Variants in SMIM13 observed in about 807,000 individuals in gnomAD.
The protein encoded by SMIM13 is UPF0766 protein C6orf228.
In SMIM13, 3 loss-of-function variants were observed where a neutral mutation model predicts 5.9. That is an observed-to-expected ratio of 0.51 (90% CI 0.23 to 1.31). The LOEUF (loss-of-function observed/expected upper bound fraction) is 1.31. SMIM13 is among the 40% of genes most tolerant of loss of function. The probability of loss-of-function intolerance (pLI) is 0.18; values close to 1 mark genes in which losing one functional copy is unlikely to be tolerated. For synonymous variants in SMIM13, 55 were observed against 46.0 expected, an observed-to-expected ratio of 1.19 and a Z score of -0.79; for missense variants, 85 against 109.9, an observed-to-expected ratio of 0.77 and a Z score of 1.01.
At chr6:11,119,407 C>T (rs1758282847) in intron 1 of SMIM13, among the ~76,000 whole-genome samples, 2 of 152,154 alleles carry the variant, frequency 1.3e-5, no homozygotes, top group South Asian at 4.2e-4. Flanking sequence ...GTAATCCCAG[C>T]ACTTTGGGAA....
chr6:11,096,805 T>C (rs1178394738), intron 1 of SMIM13, among the ~76,000 whole-genome samples: 1 of 152,126 alleles, frequency 6.6e-6, no homozygotes, highest in Non-Finnish European at 1.5e-5. Flanking sequence ...GTTCAAGCAA[T>C]TCTTCTGCCT....
chr6:11,115,915 G>C (rs1453893662), intron 1 of SMIM13, among the ~76,000 whole-genome samples: 1 of 150,656 alleles, frequency 6.6e-6, no homozygotes, highest in Non-Finnish European at 1.5e-5. Context: ...TCGAACTCCC[G>C]ACCTCAGGTG....
chr6:11,103,754 C>G (rs756385693), intron 1 of SMIM13: 5 of 1,551,612 alleles, frequency 3.2e-6, no homozygotes, highest in Non-Finnish European at 4.4e-6. Flanking sequence ...TCGTCTGGAG[C>G]TTTATGGCCT....
Position 11,137,818 on chromosome 6 carries a change from G to A in SMIM13, c.*3216G>A, listed in dbSNP as rs577037205. On this transcript the variant is annotated 3_prime_UTR_variant, in exon 2 of 2. Transcript: ENST00000416247. ...ATCAAAATGAATATAAAATTCACTT[G>A]ATGGATTTTGTAGTGATGTTTTCAC... 6.6e-6 allele frequency: 1 copy of A among 152,260 alleles called. No homozygotes were observed. The highest frequency in any genetic ancestry group is 1.9e-4 in the East Asian group (1 of 5,186). 9.4% of individuals were successfully genotyped at this position (152,260 alleles called of 1,614,324 possible).
chr6:11,120,196 G>C (rs1467148432), intron 1 of SMIM13, among the ~76,000 whole-genome samples: 1 of 152,196 alleles, frequency 6.6e-6, no homozygotes, highest in African/African-American at 2.4e-5. Flanking sequence ...AGAATTTGTA[G>C]TTATACTGCA....
chr6:11,121,642 GGGTGATGCTTTATTTTCT>G (rs1758311313), intron 1 of SMIM13, among the ~76,000 whole-genome samples: 1 of 152,176 alleles, frequency 6.6e-6, no homozygotes. Context: ...ATCATGTAAA[GGGTGATGCTTTATTTTCT>G]ATTACATAAC....
intron 1 of SMIM13, among the ~76,000 whole-genome samples, chr6:11,094,923 C>T (rs1477030921): frequency 6.6e-6 from 1 of 152,166 alleles, no homozygotes; most frequent in Non-Finnish European, 1.5e-5. Context: ...ATTAAACTTG[C>T]AGGGTCGGGT....
rs565404678 is a variant in SMIM13, at chr6:11,130,030, A to G, written c.77-4373A>G. 4.6e-5 allele frequency among the ~76,000 whole-genome samples: 7 copies of G among 152,274 alleles called. No homozygotes were observed. The South Asian group carries it at 1.5e-3, about 32-fold the overall frequency. The stretch of plus-strand genomic sequence containing the variant: ...TTGATAAACAGCCTGTGGTAGAAGT[A>G]TCAGATCTTACTAGTCCTAAGTATT... On this transcript the variant is annotated intron_variant, in intron 1 of 1. Coordinates refer to ENST00000416247, the MANE Select transcript of SMIM13 (RefSeq NM_001135575.2).
chr6:11,136,662 C>G lies in SMIM13; in HGVS notation c.*2060C>G, dbSNP rs972464297. On this transcript the variant is annotated 3_prime_UTR_variant, in exon 2 of 2. Transcript: ENST00000416247. ...TATGTGTTTGCTAGGGGAAGATTTC[C>G]TAGCAGCTGAGAGCAAGGCACAGTC... is the stretch of plus-strand genomic sequence containing the variant. 6.6e-6 allele frequency: 1 copy of G among 152,016 alleles called. No homozygotes were observed. Among genetic ancestry groups the G allele is most frequent in the African/African-American group, 2.4e-5 (1 of 41,404 alleles). The allele number at this position is 152,016 out of a possible 1,614,324, so 9.4% of individuals were successfully genotyped here.
intron 1 of SMIM13, 45 bp from the exon 2 acceptor site, chr6:11,134,358 A>T: frequency 7.1e-7 from 1 of 1,418,250 alleles, no homozygotes; most frequent in Non-Finnish European, 9.7e-7. Context: ...AATTGATAAC[A>T]TTGTGTGTAA....
At chr6:11,112,606 C>A (rs1450107351) in intron 1 of SMIM13, among the ~76,000 whole-genome samples, 1 of 152,180 alleles carries the variant, frequency 6.6e-6, no homozygotes, top group African/African-American at 2.4e-5. Context: ...TCAAATCACA[C>A]AACATGCTTT....
chr6:11,114,082 C>T (rs771762638), intron 1 of SMIM13, among the ~76,000 whole-genome samples: 3 of 151,344 alleles, frequency 2.0e-5, no homozygotes, highest in Non-Finnish European at 2.9e-5. Context: ...AGGATTCAAG[C>T]GATTCTCCTG....
At chr6:11,127,224 G>C (rs898991434) in intron 1 of SMIM13, among the ~76,000 whole-genome samples, 1 of 152,166 alleles carries the variant, frequency 6.6e-6, no homozygotes, top group African/African-American at 2.4e-5. Context: ...CCATTAGGGT[G>C]GGGTGAGTTC....
Position 11,103,917 on chromosome 6 carries a change from C to T in SMIM13, c.76+9528C>T, listed in dbSNP as rs982650832. ...CCAATTTAACCAACCCTGAGTGGCT[C>T]GTTCCCGTAAACTGGAGGCTTGATT... On this transcript the variant is annotated intron_variant, in intron 1 of 1. Transcript: ENST00000416247. The T allele has an allele frequency of 7.7e-6, 12 of 1,551,576 alleles. No homozygotes were observed. The African/African-American group carries it at 1.2e-4, about 16-fold the overall frequency.
intron 1 of SMIM13, among the ~76,000 whole-genome samples, chr6:11,107,293 A>G (rs1758100935): frequency 6.6e-6 from 1 of 152,244 alleles, no homozygotes; most frequent in Non-Finnish European, 1.5e-5. Flanking sequence ...GTTTTCTAAC[A>G]ACAAGACTTG....
At chr6:11,126,846 G>A (rs947621508) in intron 1 of SMIM13, among the ~76,000 whole-genome samples, 2 of 152,140 alleles carry the variant, frequency 1.3e-5, no homozygotes, top group African/African-American at 4.8e-5. Flanking sequence ...GTTTGCATTG[G>A]GAAGCATCCC....
intron 1 of SMIM13, among the ~76,000 whole-genome samples, chr6:11,107,140 C>G (rs905078352): frequency 2.0e-4 from 31 of 152,214 alleles, no homozygotes; most frequent in African/African-American, 7.2e-4. Context: ...TGTGGATTAT[C>G]TAGGAGCTGA....
intron 1 of SMIM13, among the ~76,000 whole-genome samples, chr6:11,129,241 T>C (rs923429348): frequency 6.6e-6 from 1 of 152,186 alleles, no homozygotes; most frequent in African/African-American, 2.4e-5. Flanking sequence ...CTCTGTTAGA[T>C]CAACTTTTTT....
rs946466752 is a variant in SMIM13, at chr6:11,134,930, T to G, written c.*328T>G. On this transcript the variant is annotated 3_prime_UTR_variant, in exon 2 of 2. Transcript: ENST00000416247. ...TATTTTGTTAGCCCTAAAATGTACA[T>G]TTTTCTTCCCATTTTAACTTATCTG... The G allele has an allele frequency of 1.2e-5, 2 of 171,400 alleles. No individual in the cohort carries two copies. Among genetic ancestry groups the G allele is most frequent in the African/African-American group, 4.8e-5 (2 of 42,076 alleles). The allele number at this position is 171,400 out of a possible 1,614,324, so 10.6% of individuals were successfully genotyped here.
Sources: gnomAD v4.1 joint callset for allele counts (sites outside exome capture counted in the v4.1 genomes callset) on GRCh38, gnomAD v4.1.1 for gene constraint, MANE v1.5 for transcripts, NCBI Gene and HGNC (gene_info 2026-07-23, HGNC 2026-07-21) for gene names.